Variants in CEP120 observed in about 807,000 individuals in gnomAD.
CEP120 encodes the protein centrosomal protein 120, also known as centrosomal protein of 120 kDa.
A neutral mutation model predicts 126.5 loss-of-function variants in CEP120; 113 were observed. That is an observed-to-expected ratio of 0.89 (90% CI 0.77 to 1.04). The LOEUF (loss-of-function observed/expected upper bound fraction) is 1.04, where lower values mean the gene tolerates loss of function less well. CEP120 is among the 50% of genes least tolerant of loss of function. CEP120 has a pLI of 0.00. For synonymous variants in CEP120, 400 were observed against 394.3 expected, an observed-to-expected ratio of 1.01 and a Z score of -0.17; for missense variants, 1,230 against 1,155.7, an observed-to-expected ratio of 1.06 and a Z score of -0.93.
rs189798992 is a variant in CEP120 at position 123,386,306 on chromosome 5, G to A, written c.1580+212C>T. On this transcript the variant is annotated intron_variant, in intron 10 of 19. Transcript: ENST00000306467. ...TATCTAAATTCAGGTAAATAAGATA[G>A]GAAAATCAAAAAAGAGCCTTTATAA... Among the ~76,000 whole-genome samples, 35 of 152,050 alleles carry A rather than the reference G, an allele frequency of 2.3e-4. 1 individual carries two copies. The highest frequency in any genetic ancestry group is 2.2e-3 in the Admixed American group (33 of 15,272).
chr5:123,419,782 CAG>C (rs943779921), intron 1 of CEP120, among the ~76,000 whole-genome samples: 9 of 151,800 alleles, frequency 5.9e-5, no homozygotes, highest in Non-Finnish European at 1.3e-4. Context: ...ATGAGTAAAA[CAG>C]AGTACTTGCT....
intron 9 of CEP120, 92 bp from the exon 10 acceptor site, chr5:123,386,759 G>A: frequency 1.1e-6 from 1 of 933,986 alleles, no homozygotes; most frequent in Non-Finnish European, 1.4e-6. Flanking sequence ...AGTATAATAT[G>A]AATATTATGA....
chr5:123,407,549 G>A lies in CEP120; in HGVS notation c.463+4850C>T, dbSNP rs774197447. On this transcript the variant is annotated intron_variant, in intron 4 of 19. Coordinates refer to ENST00000306467, the MANE Select transcript of CEP120 (RefSeq NM_001375405.1). Reference sequence around the variant, plus strand: ...GCAAAAAGACAAAATAATTTTTAACGTGAATGCACCTAACAGAGTATCAAA... The same window carrying A: ...GCAAAAAGACAAAATAATTTTTAACATGAATGCACCTAACAGAGTATCAAA... Among the ~76,000 whole-genome samples, 6 of 152,076 alleles carry A rather than the reference G, an allele frequency of 3.9e-5. No individual in the cohort carries two copies. In the East Asian group the frequency reaches 5.8e-4, roughly 15 times the overall value.
At chr5:123,404,896 G>A (rs1164537233) in intron 4 of CEP120, among the ~76,000 whole-genome samples, 1 of 152,100 alleles carries the variant, frequency 6.6e-6, no homozygotes, top group Non-Finnish European at 1.5e-5. Context: ...TTACAGAAGA[G>A]ATGTAATCAC....
chr5:123,381,681 A>G lies in CEP120; in HGVS notation c.2103+430T>C, dbSNP rs1055123189. 3.3e-5 allele frequency among the ~76,000 whole-genome samples: 5 copies of G among 152,198 alleles called. No individual in the cohort carries two copies. The South Asian group carries it at 8.3e-4, about 25-fold the overall frequency. ...CAGATTATAATATGTAGTTTTATAT[A>G]TATTGAAATGTGCTTTTATTTCTTT... On this transcript the variant is annotated intron_variant, in intron 14 of 19. Transcript: ENST00000306467.
intron 11 of CEP120, among the ~76,000 whole-genome samples, chr5:123,384,073 A>G (rs1475562984): frequency 6.6e-6 from 1 of 152,160 alleles, no homozygotes; most frequent in Non-Finnish European, 1.5e-5. Flanking sequence ...CTTTCTGTCT[A>G]CAAAGTATGG....
chr5:123,380,576 T>G (rs1054406590), intron 14 of CEP120, among the ~76,000 whole-genome samples: 1 of 152,104 alleles, frequency 6.6e-6, no homozygotes, highest in African/African-American at 2.4e-5. Context: ...AAAAATTACT[T>G]GGTGAGTTTT....
chr5:123,406,011 G>A (rs913614690), intron 4 of CEP120, among the ~76,000 whole-genome samples: 1 of 152,044 alleles, frequency 6.6e-6, no homozygotes, highest in Non-Finnish European at 1.5e-5. Context: ...TAAAGTGTAA[G>A]AAAGAATAAA....
intron 5 of CEP120, among the ~76,000 whole-genome samples, chr5:123,393,936 T>C (rs1163222433): frequency 6.6e-6 from 1 of 152,186 alleles, no homozygotes; most frequent in Admixed American, 6.5e-5. Context: ...TATAACATCT[T>C]AGTTGAGGTC....
intron 3 of CEP120, among the ~76,000 whole-genome samples, chr5:123,414,029 C>A (rs1012053944): frequency 6.6e-6 from 1 of 152,106 alleles, no homozygotes; most frequent in African/African-American, 2.4e-5. Context: ...ATAAGCAATA[C>A]AGCATTTAGT....
In CEP120 at chr5:123,345,426, TTA is replaced by T. The variant is rs1191769718; in HGVS notation, c.*1091_*1092del. 1 of 152,154 alleles carries T rather than the reference TTA, an allele frequency of 6.6e-6. No homozygotes were observed. The highest frequency in any genetic ancestry group is 2.4e-5 in the African/African-American group (1 of 41,448). 9.4% of individuals were successfully genotyped at this position (152,154 alleles called of 1,614,324 possible). A position where few individuals can be genotyped will look rare whatever the true frequency, so the allele number is the denominator to read the frequency against. ...CTAAAGTATATACTTAATTTTAACT[TTA>T]TTATATTTGGAAATCAGAACTTTTT... On this transcript the variant is annotated 3_prime_UTR_variant, in exon 20 of 20. Coordinates refer to ENST00000306467, the MANE Select transcript of CEP120 (RefSeq NM_001375405.1).
At position 123,385,152 on chromosome 5, in the gene CEP120, T is replaced by C; in HGVS notation, c.1581-19A>G. ...TGGAATCCTAAGGAAGAGAGAAACA[T>C]GTGTTCATACCTATCAACTCTGACC... On this transcript the variant is annotated intron_variant, in intron 10 of 19. Coordinates refer to ENST00000306467, the MANE Select transcript of CEP120 (RefSeq NM_001375405.1). 1 of 1,597,744 alleles carries C rather than the reference T, an allele frequency of 6.3e-7. No homozygotes were observed. Among genetic ancestry groups the C allele is most frequent in the Non-Finnish European group, 8.5e-7 (1 of 1,170,506 alleles).
At position 123,418,937 on chromosome 5, in the gene CEP120, C is replaced by T. The variant is rs1238040480; in HGVS notation, c.50-422G>A. On this transcript the variant is annotated intron_variant, in intron 1 of 19. Transcript: ENST00000306467. ...TGTTAAGTGTGGTTGACATGCATTCCATAAGCTACCTCACTAATGCAGGCT... is the reference window on the plus strand; with the variant it reads ...TGTTAAGTGTGGTTGACATGCATTCTATAAGCTACCTCACTAATGCAGGCT... Among the ~76,000 whole-genome samples the T allele has an allele frequency of 2.6e-5, 4 of 152,140 alleles. No homozygotes were observed. In the East Asian group the frequency reaches 7.7e-4, roughly 29 times the overall value.
chr5:123,418,358 C>T lies in CEP120; in HGVS notation c.206+1G>A. ...GAAGCTAAAATGAAAATGATAATCA[C>T]CTGTGCTGATGAAGCGCTTTCCTGT... On this transcript the variant is annotated splice_donor_variant, in intron 2 of 19. Transcript: ENST00000306467. LOFTEE classifies it high-confidence loss of function. The T allele has an allele frequency of 1.9e-6, 3 of 1,584,074 alleles. No individual in the cohort carries two copies. The highest frequency in any genetic ancestry group is 2.6e-6 in the Non-Finnish European group (3 of 1,164,130).
rs769035502 is a variant in CEP120 at position 123,388,636 on chromosome 5, A to G, written c.1256-30T>C. The G allele has an allele frequency of 3.4e-6, 5 of 1,480,790 alleles. No homozygotes were observed. The African/African-American group carries it at 7.1e-5, about 21-fold the overall frequency. 91.7% of individuals were successfully genotyped at this position (1,480,790 alleles called of 1,614,324 possible). ...AATGAACATAAAATAAAACAAAATAATCACACTTGCTAACAGTTTCTCTTA... is the reference window on the plus strand; with the variant it reads ...AATGAACATAAAATAAAACAAAATAGTCACACTTGCTAACAGTTTCTCTTA... On this transcript the variant is annotated intron_variant, in intron 8 of 19. Coordinates refer to ENST00000306467, the MANE Select transcript of CEP120 (RefSeq NM_001375405.1).
rs926322685 is a variant in CEP120 at position 123,386,552 on chromosome 5, T to G, written c.1546A>C (p.Thr516Pro). 1 of 1,586,970 alleles carries G rather than the reference T, an allele frequency of 6.3e-7. No individual in the cohort carries two copies. Among genetic ancestry groups the G allele is most frequent in the Non-Finnish European group, 8.6e-7 (1 of 1,168,526 alleles). The change falls in exon 10 of 20, where the codon ACT becomes CCT. Residue 516 changes from threonine to proline, a missense_variant. Transcript: ENST00000306467. Reference sequence around the variant, plus strand: ...GTGTCTTGCAGCTGATGAGGCATAGTTGCAAAATCAAATGCACAGTAAGAC... The same window carrying G: ...GTGTCTTGCAGCTGATGAGGCATAGGTGCAAAATCAAATGCACAGTAAGAC... ...PQSYCAFDFA[T>P]MPHQLQDTFL... is the part of the protein sequence containing the mutation.
At chr5:123,391,897 G>T (rs1427446877) in intron 6 of CEP120, among the ~76,000 whole-genome samples, 1 of 151,888 alleles carries the variant, frequency 6.6e-6, no homozygotes. Flanking sequence ...AATATCTCTG[G>T]AGTGGAGTAT....
At position 123,414,794 on chromosome 5, in the gene CEP120, G is replaced by A. The variant is rs888641148; in HGVS notation, c.321+1216C>T. 1.7e-4 allele frequency among the ~76,000 whole-genome samples: 25 copies of A among 151,236 alleles called. 1 individual carries two copies. The highest frequency in any genetic ancestry group is 6.6e-4 in the Admixed American group (10 of 15,194). On this transcript the variant is annotated intron_variant, in intron 3 of 19. Coordinates refer to ENST00000306467, the MANE Select transcript of CEP120 (RefSeq NM_001375405.1). ...ATCCTGGCTAACACGGTGAAACCCC[G>A]TCTCTACTAAAAATTCAAAAAAAAA...
Position 123,399,202 on chromosome 5 carries a change from T to C in CEP120, c.546A>G (p.Pro182=). The C allele has an allele frequency of 1.9e-6, 3 of 1,614,114 alleles. No individual in the cohort carries two copies. Among genetic ancestry groups the C allele is most frequent in the Middle Eastern group, 1.6e-4 (1 of 6,062 alleles). ...TAAAGGAGTCAGTACAGTATTCTGCTGGTCCAATCTGATGGTAGCCTCCCT... is the reference window on the plus strand; with the variant it reads ...TAAAGGAGTCAGTACAGTATTCTGCCGGTCCAATCTGATGGTAGCCTCCCT... ...NEEGGYHQIG[P]AEYCTDSFIM... Residue 182 remains proline (P), a synonymous_variant, in exon 5 of 20, where the codon CCA becomes CCG. Coordinates refer to ENST00000306467, the MANE Select transcript of CEP120 (RefSeq NM_001375405.1).
Sources: allele counts gnomAD v4.1 joint callset (sites outside exome capture counted in the v4.1 genomes callset), GRCh38; gene constraint gnomAD v4.1.1; transcripts MANE v1.5; gene names NCBI Gene and HGNC (gene_info 2026-07-23, HGNC 2026-07-21).